Variants in SLC12A6 observed in about 807,000 individuals in gnomAD.
SLC12A6 encodes the protein solute carrier family 12 member 6.
A neutral mutation model predicts 135.3 loss-of-function variants in SLC12A6; 66 were observed. The ratio of observed to expected loss-of-function variants is 0.49; its 90% confidence interval spans 0.40 to 0.60. The LOEUF (loss-of-function observed/expected upper bound fraction) is 0.60. Among genes scored for constraint, SLC12A6 ranks in the 20% least tolerant of loss-of-function variants. The pLI, the probability that SLC12A6 is intolerant of heterozygous loss-of-function variation, is 0.00. For missense variants in SLC12A6, 1,058 were observed against 1,452.3 expected (o/e 0.73, Z 4.41); for synonymous variants, 513 against 508.8 (o/e 1.01, Z -0.11).
chr15:34,313,113 A>G (rs1888377319), intron 2 of SLC12A6, among the ~76,000 whole-genome samples: 2 of 152,226 alleles, frequency 1.3e-5, no homozygotes, highest in Non-Finnish European at 2.9e-5. Flanking sequence ...AAGTGAAAAG[A>G]TGTTGGACAT....
At chr15:34,324,499 T>G (rs1443588204) in intron 2 of SLC12A6, among the ~76,000 whole-genome samples, 2 of 152,214 alleles carry the variant, frequency 1.3e-5, no homozygotes, top group Non-Finnish European at 2.9e-5. Flanking sequence ...ATGCCCATTC[T>G]TCAGAGGAAT....
In SLC12A6 at chr15:34,229,983, C is replaced by A; in HGVS notation, c.*3898G>T. 1.6e-6 allele frequency: 1 copy of A among 619,122 alleles called. No individual in the cohort carries two copies. Among genetic ancestry groups the A allele is most frequent in the Admixed American group, 3.1e-5 (1 of 32,470 alleles). The allele number at this position is 619,122 out of a possible 1,614,324, so 38.4% of individuals were successfully genotyped here. A position where few individuals can be genotyped will look rare whatever the true frequency, so the allele number is the denominator to read the frequency against. The stretch of plus-strand genomic sequence containing the variant: ...TACGACAAACACAAAGAAACTATAC[C>A]ATAACCCAAGGCTGAAAATAATGTA... On this transcript the variant is annotated 3_prime_UTR_variant, in exon 26 of 26. Transcript: ENST00000354181.
intron 2 of SLC12A6, among the ~76,000 whole-genome samples, chr15:34,332,260 C>T (rs1267793232): frequency 6.6e-6 from 1 of 152,172 alleles, no homozygotes; most frequent in East Asian, 1.9e-4. Flanking sequence ...CTTTAACACC[C>T]AACATCTTTA....
chr15:34,306,388 C>A (rs1896615728), intron 2 of SLC12A6, among the ~76,000 whole-genome samples: 1 of 152,232 alleles, frequency 6.6e-6, no homozygotes, highest in Non-Finnish European at 1.5e-5. Context: ...CTTTCCTTTT[C>A]TCCTTCCCTC....
intron 2 of SLC12A6, chr15:34,318,854 G>A: frequency 6.8e-7 from 1 of 1,463,616 alleles, no homozygotes; most frequent in Non-Finnish European, 9.0e-7. Context: ...GAGGGAGTGG[G>A]GCGCTTGAAG....
intron 2 of SLC12A6, among the ~76,000 whole-genome samples, chr15:34,284,190 G>A (rs1233151926): frequency 6.6e-6 from 1 of 152,026 alleles, no homozygotes; most frequent in African/African-American, 2.4e-5. Flanking sequence ...GCTGATGGAG[G>A]GAGGCAGGTT....
chr15:34,305,892 G>A (rs1214221292), intron 2 of SLC12A6, among the ~76,000 whole-genome samples: 1 of 151,540 alleles, frequency 6.6e-6, no homozygotes, highest in Non-Finnish European at 1.5e-5. Flanking sequence ...TGAGTAACTG[G>A]GACTACAGGC....
At chr15:34,257,529 A>G in intron 6 of SLC12A6, 113 bp downstream of exon 6, 1 of 822,432 alleles carries the variant, frequency 1.2e-6, no homozygotes, top group Non-Finnish European at 2.1e-6. Flanking sequence ...TTCTGTTGAG[A>G]TCATGAGTCC....
chr15:34,261,862 T>C (rs1408335641), intron 3 of SLC12A6, among the ~76,000 whole-genome samples: 1 of 152,168 alleles, frequency 6.6e-6, no homozygotes, highest in Admixed American at 6.5e-5. Context: ...TAACAGATGT[T>C]GGCAAGGCTG....
At chr15:34,305,110 T>G (rs1232954357) in intron 2 of SLC12A6, among the ~76,000 whole-genome samples, 1 of 152,164 alleles carries the variant, frequency 6.6e-6, no homozygotes, top group African/African-American at 2.4e-5. Flanking sequence ...GAATTCTGAT[T>G]CCAGTCTGTT....
chr15:34,330,400 C>T (rs1024840776), intron 2 of SLC12A6, among the ~76,000 whole-genome samples: 6 of 152,156 alleles, frequency 3.9e-5, no homozygotes, highest in East Asian at 3.9e-4. Flanking sequence ...CAGCTGGGCG[C>T]GGTGGCTCAC....
At chr15:34,328,213 T>G (rs1360124117) in intron 2 of SLC12A6, among the ~76,000 whole-genome samples, 1 of 152,180 alleles carries the variant, frequency 6.6e-6, no homozygotes, top group African/African-American at 2.4e-5. Context: ...ACTGAAATTT[T>G]AAGAAGAAAA....
intron 3 of SLC12A6, among the ~76,000 whole-genome samples, chr15:34,272,348 C>T (rs1056560947): frequency 3.3e-5 from 5 of 152,200 alleles, no homozygotes; most frequent in African/African-American, 9.6e-5. Flanking sequence ...CAAAAAAAAT[C>T]TTTCAGTCTT....
At chr15:34,321,222 G>T (rs748417820) in intron 2 of SLC12A6, among the ~76,000 whole-genome samples, 2 of 152,184 alleles carry the variant, frequency 1.3e-5, no homozygotes, top group Non-Finnish European at 2.9e-5. Context: ...TATTTCATTG[G>T]TTCTTAATAG....
chr15:34,311,332 C>T (rs1888239726), intron 2 of SLC12A6, among the ~76,000 whole-genome samples: 1 of 151,884 alleles, frequency 6.6e-6, no homozygotes, highest in Non-Finnish European at 1.5e-5. Context: ...TTTTTTAATA[C>T]ATATATTTTT....
chr15:34,256,865 T>C (rs1321146975), intron 6 of SLC12A6, among the ~76,000 whole-genome samples: 4 of 152,138 alleles, frequency 2.6e-5, no homozygotes, highest in Non-Finnish European at 5.9e-5. Flanking sequence ...GTGTAAAAGA[T>C]TTCAGAGAAT....
intron 4 of SLC12A6, 131 bp from the exon 5 acceptor site, chr15:34,259,075 C>G: frequency 1.4e-6 from 1 of 702,934 alleles, no homozygotes; most frequent in Admixed American, 2.2e-5. Context: ...TGCAGTGGCT[C>G]ACACCTGTAA....
intron 3 of SLC12A6, among the ~76,000 whole-genome samples, chr15:34,269,720 C>CTT (rs897256076): frequency 7.5e-5 from 11 of 145,998 alleles, no homozygotes; most frequent in South Asian, 2.2e-4. Context: ...TTAACATGCT[C>CTT]TTTTTTTTTT....
intron 3 of SLC12A6, among the ~76,000 whole-genome samples, chr15:34,268,347 G>A (rs1049280384): frequency 6.6e-6 from 1 of 152,112 alleles, no homozygotes; most frequent in Admixed American, 6.5e-5. Context: ...TACATTTTAT[G>A]AGACCAATGA....
Sources: gnomAD v4.1 joint callset for allele counts (sites outside exome capture counted in the v4.1 genomes callset) on GRCh38, gnomAD v4.1.1 for gene constraint, MANE v1.5 for transcripts, NCBI Gene and HGNC (gene_info 2026-07-23, HGNC 2026-07-21) for gene names.